CCDC88A: variants seen among roughly 807,000 people sequenced by gnomAD.
The protein encoded by CCDC88A is coiled-coil and HOOK domain protein 88A.
Under a neutral mutation model 234.3 loss-of-function variants are expected in CCDC88A, and 54 were observed. The ratio of observed to expected loss-of-function variants is 0.23; its 90% CI spans 0.19 to 0.29. The LOEUF is 0.29. CCDC88A is among the 10% of genes least tolerant of loss of function. The pLI is 1.00. For missense variants in CCDC88A, 1,832 were observed against 2,123.4 expected (o/e 0.86, Z 2.70); for synonymous variants, 753 against 737.8 (o/e 1.02, Z -0.33).
rs1558789293 is a variant in CCDC88A, at chr2:55,384,657, A to ACG, written c.273+4120_273+4121insCG. Among the ~76,000 whole-genome samples the ACG allele has an allele frequency of 5.0e-5, 6 of 119,132 alleles. 2 individuals carry two copies. The highest frequency in any genetic ancestry group is 2.0e-4 in the African/African-American group (5 of 24,790). 78.2% of individuals were successfully genotyped at this position (119,132 alleles called of 152,430 possible). A position where few individuals can be genotyped will look rare whatever the true frequency, so the allele number is the denominator to read the frequency against. ...TATATATGTGTATATATACATATAT[A>ACG]TATATATATATTTTTTAAAGACAGA... is the stretch of plus-strand genomic sequence containing the variant. On this transcript the variant is annotated intron_variant, in intron 3 of 32. Coordinates refer to ENST00000436346, the MANE Select transcript of CCDC88A (RefSeq NM_001365480.1).
chr2:55,412,244 G>C (rs1574523343), intron 2 of CCDC88A, among the ~76,000 whole-genome samples: 1 of 152,202 alleles, frequency 6.6e-6, no homozygotes, highest in East Asian at 1.9e-4. Context: ...CAAAGCAATA[G>C]CTACGCAGGT....
chr2:55,306,867 C>T (rs1411355742), intron 25 of CCDC88A, among the ~76,000 whole-genome samples: 9 of 152,260 alleles, frequency 5.9e-5, no homozygotes, highest in East Asian at 3.9e-4. Flanking sequence ...TGAGCCACCG[C>T]GCCTGGCCTA....
At chr2:55,376,839 A>AT (rs1389980544) in intron 3 of CCDC88A, among the ~76,000 whole-genome samples, 5 of 150,388 alleles carry the variant, frequency 3.3e-5, no homozygotes, top group Non-Finnish European at 3.0e-5. Flanking sequence ...GCTTCATTCA[A>AT]TTTTTTTTTT....
At chr2:55,315,876 C>A in intron 22 of CCDC88A, 52 bp downstream of exon 22, 2 of 937,816 alleles carry the variant, frequency 2.1e-6, no homozygotes, top group South Asian at 4.7e-5. Context: ...ATTTCTTAGG[C>A]ATGTCTTGGT....
At position 55,317,264 on chromosome 2, in the gene CCDC88A, T is replaced by A; in HGVS notation, c.3688A>T (p.Asn1230Tyr). The A allele has an allele frequency of 6.4e-7, 1 of 1,556,688 alleles. No individual in the cohort carries two copies. Among genetic ancestry groups the A allele is most frequent in the East Asian group, 2.3e-5 (1 of 43,646 alleles). The change falls in exon 21 of 33, where the codon AAT (asparagine) becomes TAT (tyrosine). Residue 1230 changes from asparagine to tyrosine, a missense_variant. Physicochemically the swap from Asn to Tyr is moderately radical, Grantham distance 143 (BLOSUM62 -2). This residue lies in a region of CCDC88A where 1,282 missense variants were observed against 1,543.6 expected (regional missense o/e 0.83). Transcript: ENST00000436346. This position sits in a 1 kb window ranked among gnomAD's most constrained non-coding sequence, Gnocchi z 4.2. Reference sequence around the variant, plus strand: ...GCAGCTACTGTTTCATGATTTTTATTTTCAAGCAGCATTTTTTCCTGTTCT... The same window carrying A: ...GCAGCTACTGTTTCATGATTTTTATATTCAAGCAGCATTTTTTCCTGTTCT... The part of the protein sequence containing the change: ...KVEQEKMLLE[N>Y]KNHETVAAEY...
rs76235821 is a variant in CCDC88A at position 55,349,735 on chromosome 2, A to C, written c.801-136T>G. On this transcript the variant is annotated intron_variant, in intron 8 of 32. Transcript: ENST00000436346. The stretch of plus-strand genomic sequence containing the variant: ...TAGCCATAACCCTAATCTAGAAGAT[A>C]AAAAAAAAAAGATAGATATTAGGAA... The C allele has an allele frequency of 7.5e-5, 31 of 411,162 alleles. No homozygotes were observed. The Middle Eastern group carries it at 1.3e-3, about 18-fold the overall frequency. The allele number at this position is 411,162 out of a possible 1,614,324, so 25.5% of individuals were successfully genotyped here. A position where few individuals can be genotyped will look rare whatever the true frequency, so the allele number is the denominator to read the frequency against.
At chr2:55,402,967 C>T (rs1462618946) in intron 2 of CCDC88A, among the ~76,000 whole-genome samples, 1 of 151,982 alleles carries the variant, frequency 6.6e-6, no homozygotes, top group Non-Finnish European at 1.5e-5. Flanking sequence ...CGAGATCACG[C>T]CACTGCACTC....
chr2:55,329,537 C>T, intron 16 of CCDC88A: 1 of 152,000 alleles, frequency 6.6e-6, no homozygotes, highest in Non-Finnish European at 1.5e-5. Flanking sequence ...GAATTGGTGA[C>T]GTCTGAGTTG....
intron 31 of CCDC88A, chr2:55,295,334 C>A (rs1210539304): frequency 6.7e-7 from 1 of 1,500,492 alleles, no homozygotes; most frequent in African/African-American, 1.4e-5. Flanking sequence ...ATTCTGTATT[C>A]AGGGATAAGA....
chr2:55,307,543 C>T (rs919993331), intron 25 of CCDC88A, among the ~76,000 whole-genome samples: 21 of 151,732 alleles, frequency 1.4e-4, no homozygotes, highest in Non-Finnish European at 2.2e-4. Flanking sequence ...TTAGTAGAGA[C>T]GGGGTTTCTC....
intron 8 of CCDC88A, 127 bp from the exon 9 acceptor site, chr2:55,349,726 C>G (rs540105381): frequency 9.7e-6 from 5 of 515,174 alleles, no homozygotes; most frequent in African/African-American, 8.2e-5. Context: ...TAACCCTAAT[C>G]TAGAAGATAA....
At chr2:55,395,719 CTCAAAAA>C in intron 2 of CCDC88A, among the ~76,000 whole-genome samples, 1 of 152,298 alleles carries the variant, frequency 6.6e-6, no homozygotes, top group South Asian at 2.1e-4. Context: ...TAAGCTGTGT[CTCAAAAA>C]TCAGTTGACT....
rs1681940063 is a variant in CCDC88A at position 55,419,146 on chromosome 2, C to T, written c.-67G>A. 2.1e-6 allele frequency: 2 copies of T among 934,580 alleles called. No homozygotes were observed. Among genetic ancestry groups the T allele is most frequent in the East Asian group, 2.4e-5 (1 of 41,076 alleles). 57.9% of individuals were successfully genotyped at this position (934,580 alleles called of 1,614,324 possible). On this transcript the variant is annotated 5_prime_UTR_variant, in exon 1 of 33. Transcript: ENST00000436346. ...TACGCCTAGGGAATTGGTCACTAAA[C>T]GTGGAAGTAAGTAGAAATCAATGAA...
Position 55,352,654 on chromosome 2 carries a change from T to G in CCDC88A, c.800+2925A>C, listed in dbSNP as rs565223787. Among the ~76,000 whole-genome samples the G allele has an allele frequency of 4.6e-5, 7 of 152,264 alleles. No homozygotes were observed. In the South Asian group the frequency reaches 1.5e-3, roughly 32 times the overall value. ...AAACATGGGATTTATGGAGGCAGAG[T>G]TAAAGGGAGTCTTTGGTAGTATTAA... On this transcript the variant is annotated intron_variant, in intron 8 of 32. Coordinates refer to ENST00000436346, the MANE Select transcript of CCDC88A (RefSeq NM_001365480.1).
chr2:55,373,330 C>A (rs749069651), intron 4 of CCDC88A, among the ~76,000 whole-genome samples: 4 of 152,126 alleles, frequency 2.6e-5, no homozygotes, highest in Non-Finnish European at 5.9e-5. Flanking sequence ...TAATACTACT[C>A]CCTCTGTCTG....
chr2:55,359,143 T>C (rs1262122117), intron 7 of CCDC88A, among the ~76,000 whole-genome samples: 1 of 152,164 alleles, frequency 6.6e-6, no homozygotes, highest in African/African-American at 2.4e-5. Context: ...CCAGATACAA[T>C]CTTTCTTACA....
chr2:55,385,377 GA>G (rs759620582), intron 3 of CCDC88A, among the ~76,000 whole-genome samples: 1 of 152,136 alleles, frequency 6.6e-6, no homozygotes, highest in Non-Finnish European at 1.5e-5. Flanking sequence ...AATATGGAGT[GA>G]ATTAGTAAAT....
intron 10 of CCDC88A, among the ~76,000 whole-genome samples, chr2:55,344,916 T>C (rs551110313): frequency 1.3e-5 from 2 of 152,290 alleles, no homozygotes; most frequent in South Asian, 4.1e-4. Context: ...AGTGAAGGGC[T>C]TGAGGTTTTT....
At chr2:55,366,576 C>CAA (rs1553419135) in intron 5 of CCDC88A, among the ~76,000 whole-genome samples, 1 of 139,564 alleles carries the variant, frequency 7.2e-6, no homozygotes, top group East Asian at 2.1e-4. Flanking sequence ...CACACACACA[C>CAA]AAGATATGAT....
Sources: gnomAD v4.1 joint callset for allele counts (sites outside exome capture counted in the v4.1 genomes callset) on GRCh38, gnomAD v4.1.1 for gene constraint, gnomAD v4.1.1 regional missense constraint, Gnocchi (gnomAD v3.1) non-coding constraint, MANE v1.5 for transcripts, NCBI Gene and HGNC (gene_info 2026-07-23, HGNC 2026-07-21) for gene names.